The following CDH1 variants were observed in gnomAD, a reference collection of about 807,000 sequenced individuals.
The protein encoded by CDH1 is cadherin-1.
In CDH1, 35 loss-of-function variants were observed where a neutral mutation model predicts 84.5. The ratio of observed to expected loss-of-function variants is 0.41; its 90% CI spans 0.32 to 0.55. The LOEUF (loss-of-function observed/expected upper bound fraction) is 0.55, where lower values mean the gene tolerates loss of function less well. Among genes scored for constraint, CDH1 ranks in the 20% least tolerant of loss-of-function variants. CDH1 has a pLI of 0.19. For missense variants in CDH1, 994 were observed against 1,126.6 expected, an observed-to-expected ratio of 0.88 and a Z score of 1.68; for synonymous variants, 417 against 439.0, an observed-to-expected ratio of 0.95 and a Z score of 0.63.
chr16:68,801,601 C>T, intron 2 of CDH1, 69 bp from the exon 3 acceptor site: 4 of 1,351,658 alleles, frequency 3.0e-6, no homozygotes, highest in Non-Finnish European at 4.3e-6. Context: ...CAAGTTCGCT[C>T]TTTGGAGAAG....
Position 68,823,439 on chromosome 16 carries a change from G to A in CDH1, c.1977G>A (p.Glu659=), listed in dbSNP as rs368243190. The change falls in exon 13 of 16, where the codon GAG becomes GAA. Residue 659 remains glutamate (E), a synonymous_variant. Transcript: ENST00000261769. The stretch of plus-strand genomic sequence containing the variant: ...TTTTGAAGCCAAAGATGGCCTTAGA[G>A]GTGGGTGACTACAAAATCAATCTCA... ...SIILKPKMAL[E]VGDYKINLKL... The A allele has an allele frequency of 1.1e-5, 18 of 1,613,862 alleles. No homozygotes were observed. Among genetic ancestry groups the A allele is most frequent in the Non-Finnish European group, 1.5e-5 (18 of 1,179,958 alleles).
chr16:68,791,267 G>A (rs1960202187), intron 2 of CDH1, among the ~76,000 whole-genome samples: 1 of 152,080 alleles, frequency 6.6e-6, no homozygotes, highest in African/African-American at 2.4e-5. Context: ...CTCCAAGCTG[G>A]GGCAGTCTCT....
chr16:68,822,310 C>A, intron 12 of CDH1, 85 bp downstream of exon 12: 1 of 920,150 alleles, frequency 1.1e-6, no homozygotes, highest in Non-Finnish European at 1.8e-6. Context: ...AATTTCCCTT[C>A]TCAACTTCTA....
chr16:68,757,967 CTTT>C (rs58385798), intron 2 of CDH1, among the ~76,000 whole-genome samples: 5 of 113,342 alleles, frequency 4.4e-5, no homozygotes, highest in Admixed American at 2.0e-4. Flanking sequence ...CCAGGCTAAT[CTTT>C]TTTTTTTTTT....
At chr16:68,780,262 C>CCCTCCTTATCCTT (rs1409161955) in intron 2 of CDH1, among the ~76,000 whole-genome samples, 1 of 152,110 alleles carries the variant, frequency 6.6e-6, no homozygotes, top group African/African-American at 2.4e-5. Context: ...CTCCAGCACT[C>CCCTCCTTATCCTT]CCTCCTTATC....
At chr16:68,826,452 T>C (rs1038068107) in intron 13 of CDH1, 2 of 152,270 alleles carry the variant, frequency 1.3e-5, no homozygotes, top group African/African-American at 4.8e-5. Flanking sequence ...GGCCAATTTC[T>C]TGTTTCTTAA....
intron 9 of CDH1, among the ~76,000 whole-genome samples, chr16:68,815,265 T>C (rs1297012659): frequency 6.6e-6 from 1 of 151,560 alleles, no homozygotes; most frequent in Non-Finnish European, 1.5e-5. Flanking sequence ...AGAATTTGAG[T>C]GAATTGCTTG....
At chr16:68,811,940 A>G (rs1480649100) in intron 7 of CDH1, 81 bp downstream of exon 7, 85 of 1,526,388 alleles carry the variant, frequency 5.6e-5, no homozygotes, top group Non-Finnish European at 7.1e-5. Context: ...AAATCCTGCT[A>G]GGCCAGTTGT....
At chr16:68,790,989 A>T (rs891083715) in intron 2 of CDH1, among the ~76,000 whole-genome samples, 2 of 152,144 alleles carry the variant, frequency 1.3e-5, no homozygotes, top group African/African-American at 4.8e-5. Flanking sequence ...GGTATGGGGT[A>T]TGGGGAGGCA....
At chr16:68,782,250 C>T (rs1193325761) in intron 2 of CDH1, among the ~76,000 whole-genome samples, 1 of 152,182 alleles carries the variant, frequency 6.6e-6, no homozygotes, top group Non-Finnish European at 1.5e-5. Flanking sequence ...GGATTTGACC[C>T]TACAGGGAAG....
At chr16:68,792,049 T>C (rs561951053) in intron 2 of CDH1, among the ~76,000 whole-genome samples, 2 of 151,318 alleles carry the variant, frequency 1.3e-5, no homozygotes, top group African/African-American at 4.9e-5. Context: ...CTCTCCCAAG[T>C]GGCTGAGATT....
At chr16:68,764,075 GT>G (rs1440501845) in intron 2 of CDH1, among the ~76,000 whole-genome samples, 1 of 152,206 alleles carries the variant, frequency 6.6e-6, no homozygotes, top group South Asian at 2.1e-4. Flanking sequence ...GATTTGATGG[GT>G]TTTTTTGTTT....
At chr16:68,743,771 C>T (rs1180812298) in intron 2 of CDH1, among the ~76,000 whole-genome samples, 1 of 152,132 alleles carries the variant, frequency 6.6e-6, no homozygotes, top group Non-Finnish European at 1.5e-5. Context: ...GATCCTTCAG[C>T]GAGGAAGTAC....
At position 68,808,832 on chromosome 16, in the gene CDH1, G is replaced by A. The variant is rs201511530; in HGVS notation, c.671G>A (p.Arg224His). 5.0e-5 allele frequency: 80 copies of A among 1,613,858 alleles called. No homozygotes were observed. The highest frequency in any genetic ancestry group is 5.9e-5 in the Non-Finnish European group (70 of 1,179,972). The change falls in exon 5 of 16, where the codon CGC (arginine) becomes CAC (histidine). Residue 224 changes from arginine (R) to histidine (H), a missense_variant. Arg to His is a conservative substitution (Grantham distance 29, BLOSUM62 0). Coordinates refer to ENST00000261769, the MANE Select transcript of CDH1 (RefSeq NM_004360.5). ...GTGACAGAGCCTCTGGATAGAGAAC[G>A]CATTGCCACATACACTGTAAGTATC... The part of the protein sequence containing the change: ...LKVTEPLDRE[R>H]IATYTLFSHA...
intron 2 of CDH1, among the ~76,000 whole-genome samples, chr16:68,789,273 C>T (rs1013501940): frequency 6.6e-6 from 1 of 152,020 alleles, no homozygotes; most frequent in Admixed American, 6.6e-5. Context: ...TCAAGTGATC[C>T]GCCCACTTCA....
intron 13 of CDH1, among the ~76,000 whole-genome samples, chr16:68,827,076 G>C (rs898361095): frequency 6.6e-6 from 1 of 152,158 alleles, no homozygotes; most frequent in Non-Finnish European, 1.5e-5. Context: ...TTTGAGACCA[G>C]CCTGGGCAAC....
In CDH1 at chr16:68,738,404, G is replaced by A. The variant is rs748336113; in HGVS notation, c.156G>A (p.Leu52=). 2.6e-6 allele frequency: 4 copies of A among 1,546,196 alleles called. No individual in the cohort carries two copies. In the South Asian group the frequency reaches 3.6e-5, roughly 14 times the overall value. Residue 52 remains leucine, a synonymous_variant, in exon 2 of 16, where the codon CTG becomes CTA. Transcript: ENST00000261769. ...PRRHLERGRV[L]GRVNFEDCTG... ...GCCACCTGGAGAGAGGCCGCGTCCT[G>A]GGCAGAGGTGAGGGCGCGCTGCCGG... is the stretch of plus-strand genomic sequence containing the variant.
rs12929081 is a variant in CDH1 at position 68,781,225 on chromosome 16, G to A, written c.164-20445G>A. Among the ~76,000 whole-genome samples the A allele has an allele frequency of 9.2e-3, 1,399 of 152,330 alleles. 15 individuals are homozygous for A. The highest frequency in any genetic ancestry group is 0.013 in the Non-Finnish European group (915 of 68,020). ...ATCTGCAGGTCAGAGGGTTTGAGTT[G>A]AGGGTGGGGGTATTGGAAACAATTA... On this transcript the variant is annotated intron_variant, in intron 2 of 15. Coordinates refer to ENST00000261769, the MANE Select transcript of CDH1 (RefSeq NM_004360.5).
At chr16:68,811,031 C>T (rs1164143122) in intron 6 of CDH1, among the ~76,000 whole-genome samples, 2 of 152,060 alleles carry the variant, frequency 1.3e-5, no homozygotes, top group Admixed American at 1.3e-4. Context: ...AATTAAGGAA[C>T]AGATCTTTAC....
Sources: gnomAD v4.1 joint callset for allele counts (sites outside exome capture counted in the v4.1 genomes callset) on GRCh38, gnomAD v4.1.1 for gene constraint, MANE v1.5 for transcripts, NCBI Gene and HGNC (gene_info 2026-07-23, HGNC 2026-07-21) for gene names.